The following CHLSN variants were observed in gnomAD, a reference collection of about 807,000 sequenced individuals.
The protein encoded by CHLSN is cholesin.
chr7:980,818 G>T, the CHLSN span, among the ~76,000 whole-genome samples: 1 of 151,564 alleles, frequency 6.6e-6, no homozygotes, highest in Non-Finnish European at 1.5e-5. Flanking sequence ...CTCCTGAGTA[G>T]CTGGGACTAC....
At chr7:994,771 C>A in the CHLSN span, among the ~76,000 whole-genome samples, 1 of 152,236 alleles carries the variant, frequency 6.6e-6, no homozygotes, top group Non-Finnish European at 1.5e-5. Context: ...GTGTTTCTGA[C>A]ACCTGCACAC....
the CHLSN span, among the ~76,000 whole-genome samples, chr7:1,071,085 C>T: frequency 6.6e-6 from 1 of 152,266 alleles, no homozygotes; most frequent in Admixed American, 6.5e-5. Context: ...GAGTAGCCTC[C>T]TCCAGGGTAA....
chr7:1,135,188 C>T, the CHLSN span, among the ~76,000 whole-genome samples: 1 of 152,146 alleles, frequency 6.6e-6, no homozygotes, highest in Non-Finnish European at 1.5e-5. Context: ...TAGTGCTCAG[C>T]CTCCTCACTC....
the CHLSN span, among the ~76,000 whole-genome samples, chr7:1,072,088 C>T: frequency 6.6e-6 from 1 of 152,228 alleles, no homozygotes; most frequent in Non-Finnish European, 1.5e-5. Flanking sequence ...CATCCATAGA[C>T]ACCTTAGACT....
chr7:1,068,347 C>T, the CHLSN span, among the ~76,000 whole-genome samples: 3 of 152,142 alleles, frequency 2.0e-5, no homozygotes, highest in African/African-American at 4.8e-5. Flanking sequence ...AGCCCTCATG[C>T]ACATCCCCAT....
At chr7:1,080,333 G>T in the CHLSN span, among the ~76,000 whole-genome samples, 1 of 152,264 alleles carries the variant, frequency 6.6e-6, no homozygotes, top group Non-Finnish European at 1.5e-5. Flanking sequence ...CACAGACCGC[G>T]GCACAGCCCC....
At chr7:1,083,162 T>C in the CHLSN span, among the ~76,000 whole-genome samples, 1 of 152,204 alleles carries the variant, frequency 6.6e-6, no homozygotes, top group Admixed American at 6.5e-5. Flanking sequence ...GCGCCCAGAA[T>C]GCTCCCAGCA....
the CHLSN span, among the ~76,000 whole-genome samples, chr7:1,112,935 T>C: frequency 6.6e-6 from 1 of 152,130 alleles, no homozygotes; most frequent in African/African-American, 2.4e-5. Flanking sequence ...TACAGAGCTT[T>C]ACTCACAAAA....
the CHLSN span, among the ~76,000 whole-genome samples, chr7:1,125,392 A>G: frequency 3.3e-5 from 5 of 152,304 alleles, no homozygotes; most frequent in East Asian, 1.9e-4. Flanking sequence ...ACAATGGCAC[A>G]CTGCCCCAGG....
the CHLSN span, among the ~76,000 whole-genome samples, chr7:1,003,566 G>GA: frequency 6.2e-5 from 3 of 48,430 alleles, no homozygotes; most frequent in South Asian, 1.1e-3. Flanking sequence ...TCCTGTGGGT[G>GA]GGGAGTCCTG....
the CHLSN span, among the ~76,000 whole-genome samples, chr7:1,000,876 A>G: frequency 6.6e-6 from 1 of 152,186 alleles, no homozygotes; most frequent in East Asian, 1.9e-4. Context: ...GGAAGGATGA[A>G]GTGAGTTTCT....
the CHLSN span, among the ~76,000 whole-genome samples, chr7:1,131,339 A>T: frequency 1.3e-5 from 2 of 152,134 alleles, no homozygotes; most frequent in Non-Finnish European, 2.9e-5. Flanking sequence ...CGCTGTGAAA[A>T]AGAGTCAGGG....
the CHLSN span, among the ~76,000 whole-genome samples, chr7:1,095,038 C>T: frequency 2.6e-5 from 4 of 151,548 alleles, no homozygotes; most frequent in South Asian, 2.1e-4. Flanking sequence ...GCCAGGCTCA[C>T]GTGTGGCACA....
At chr7:1,122,293 G>T in the CHLSN span, among the ~76,000 whole-genome samples, 1 of 152,236 alleles carries the variant, frequency 6.6e-6, no homozygotes. Context: ...AGCCAGGGGG[G>T]TTCTGCTGAC....
the CHLSN span, among the ~76,000 whole-genome samples, chr7:1,071,953 C>T: frequency 6.6e-6 from 1 of 152,232 alleles, no homozygotes; most frequent in Non-Finnish European, 1.5e-5. Context: ...CTGGTCGGCA[C>T]ACGTGGGGAG....
the CHLSN span, among the ~76,000 whole-genome samples, chr7:1,019,291 G>A: frequency 3.3e-5 from 5 of 151,644 alleles, no homozygotes; most frequent in Non-Finnish European, 7.4e-5. Flanking sequence ...GTGGTTGCAT[G>A]GATCTCTAGC....
the CHLSN span, among the ~76,000 whole-genome samples, chr7:1,124,690 G>C: frequency 2.0e-5 from 3 of 149,204 alleles, no homozygotes; most frequent in African/African-American, 7.5e-5. Flanking sequence ...ATGTGCACAT[G>C]TACCCTAAAA....
At chr7:1,030,057 C>T in the CHLSN span, among the ~76,000 whole-genome samples, 5 of 152,196 alleles carry the variant, frequency 3.3e-5, no homozygotes, top group African/African-American at 7.2e-5. Context: ...GCTCAGTCAC[C>T]GGTTTCATGG....
the CHLSN span, among the ~76,000 whole-genome samples, chr7:1,061,937 C>T: frequency 1.3e-5 from 2 of 152,082 alleles, no homozygotes; most frequent in African/African-American, 4.8e-5. Context: ...CAGCCGTCTC[C>T]CCGACTCCCT....
Sources: allele counts gnomAD v4.1 joint callset (sites outside exome capture counted in the v4.1 genomes callset), GRCh38; gene constraint gnomAD v4.1.1; transcripts MANE v1.5; gene names NCBI Gene and HGNC (gene_info 2026-07-23, HGNC 2026-07-21).